CHN2: variants seen among roughly 807,000 people sequenced by gnomAD.
The protein encoded by CHN2 is chimerin 2.
A neutral mutation model predicts 56.3 loss-of-function variants in CHN2; 35 were observed. The ratio of observed to expected loss-of-function variants is 0.62; its 90% CI spans 0.47 to 0.82. CHN2 has a LOEUF of 0.82. CHN2 is among the 40% of genes least tolerant of loss of function. CHN2 has a pLI of 0.00. For synonymous variants in CHN2, 210 were observed against 212.8 expected (o/e 0.99, Z 0.12); for missense variants, 491 against 580.5 (o/e 0.85, Z 1.58).
chr7:29,360,031 A>G (rs1798602943), intron 2 of CHN2, among the ~76,000 whole-genome samples: 1 of 152,204 alleles, frequency 6.6e-6, no homozygotes, highest in South Asian at 2.1e-4. Flanking sequence ...CTTGGGGAGG[A>G]TATTTATGAT....
chr7:29,451,622 G>A (rs753586062), intron 6 of CHN2, among the ~76,000 whole-genome samples: 1 of 152,108 alleles, frequency 6.6e-6, no homozygotes, highest in Non-Finnish European at 1.5e-5. Flanking sequence ...ACGCGAAGAA[G>A]AGAGAAATAA....
At chr7:29,371,224 C>G (rs747153509) in intron 3 of CHN2, among the ~76,000 whole-genome samples, 12 of 152,014 alleles carry the variant, frequency 7.9e-5, no homozygotes, top group Admixed American at 1.3e-4. Context: ...AGGCAGTGAT[C>G]AAGAAGAAAG....
At chr7:29,197,418 A>C (rs1280758543) in intron 1 of CHN2, among the ~76,000 whole-genome samples, 6 of 152,132 alleles carry the variant, frequency 3.9e-5, no homozygotes, top group Admixed American at 1.3e-4. Context: ...CTCTTTTGTA[A>C]ATGAGGCTGA....
At chr7:29,290,029 T>A (rs1792470349) in intron 1 of CHN2, among the ~76,000 whole-genome samples, 1 of 152,230 alleles carries the variant, frequency 6.6e-6, no homozygotes, top group African/African-American at 2.4e-5. Context: ...AAGCAGTTTG[T>A]TTGAAGTTCA....
intron 1 of CHN2, among the ~76,000 whole-genome samples, chr7:29,333,255 C>T (rs546356815): frequency 1.2e-4 from 18 of 152,250 alleles, no homozygotes; most frequent in Non-Finnish European, 1.9e-4. Context: ...CCACGGCTGT[C>T]CCACACCAGG....
intron 1 of CHN2, among the ~76,000 whole-genome samples, chr7:29,268,517 CTCAGGGAAGG>C (rs1432849054): frequency 2.1e-5 from 3 of 144,220 alleles, no homozygotes; most frequent in African/African-American, 8.8e-5. Context: ...TGCACCAATT[CTCAGGGAAGG>C]CTTTTCCAGA....
intron 6 of CHN2, among the ~76,000 whole-genome samples, chr7:29,455,630 G>A (rs1412918431): frequency 6.6e-6 from 1 of 152,160 alleles, no homozygotes; most frequent in Non-Finnish European, 1.5e-5. Flanking sequence ...TTTTTAAAAG[G>A]TCAAAACATT....
intron 1 of CHN2, chr7:29,212,390 G>C: frequency 6.2e-7 from 1 of 1,606,360 alleles, no homozygotes; most frequent in Non-Finnish European, 8.5e-7. Context: ...TGATTTGTGG[G>C]CCTGAAGAAA....
At chr7:29,473,796 T>G (rs892462115) in intron 6 of CHN2, among the ~76,000 whole-genome samples, 1 of 152,144 alleles carries the variant, frequency 6.6e-6, no homozygotes, top group Admixed American at 6.5e-5. Flanking sequence ...GAGGTAATTG[T>G]GGAACCTCTC....
At chr7:29,499,810 T>C in intron 8 of CHN2, 57 bp from the exon 9 acceptor site, 1 of 1,451,218 alleles carries the variant, frequency 6.9e-7, no homozygotes, top group Non-Finnish European at 9.2e-7. Flanking sequence ...ACATATAATT[T>C]GTGTTGTGCT....
intron 1 of CHN2, among the ~76,000 whole-genome samples, chr7:29,213,955 T>A (rs1394284063): frequency 2.0e-5 from 3 of 152,190 alleles, no homozygotes; most frequent in African/African-American, 7.2e-5. Flanking sequence ...ATTGCGCTTT[T>A]TAGTCTGATC....
In CHN2 at chr7:29,465,930, G is replaced by A. The variant is rs113311291; in HGVS notation, c.577-14349G>A. ...ATTATTGAAATATTACAGGCCGAGC[G>A]CAGTGGCTCACGCCTGTGATCCCAG... is the stretch of plus-strand genomic sequence containing the variant. On this transcript the variant is annotated intron_variant, in intron 6 of 12. Transcript: ENST00000222792. 5.8e-4 allele frequency among the ~76,000 whole-genome samples: 89 copies of A among 152,314 alleles called. 1 individual carries two copies. The highest frequency in any genetic ancestry group is 1.9e-3 in the African/African-American group (78 of 41,572).
intron 2 of CHN2, among the ~76,000 whole-genome samples, chr7:29,187,610 C>A (rs939366099): frequency 6.6e-6 from 1 of 152,036 alleles, no homozygotes; most frequent in African/African-American, 2.4e-5. Context: ...CACCTGTAAT[C>A]CCAGCTACTC....
At chr7:29,416,545 G>C (rs1327513426) in intron 6 of CHN2, among the ~76,000 whole-genome samples, 1 of 152,156 alleles carries the variant, frequency 6.6e-6, no homozygotes, top group Non-Finnish European at 1.5e-5. Context: ...AGGTTTGTTA[G>C]TACACAGAGT....
At chr7:29,175,422 C>T (rs180723860) in intron 2 of CHN2, among the ~76,000 whole-genome samples, 172 of 152,126 alleles carry the variant, frequency 1.1e-3, no homozygotes, top group Admixed American at 3.1e-3. Flanking sequence ...GTTTTCTGCC[C>T]GCCTCGGCCT....
At chr7:29,172,897 G>A (rs552298174) in intron 2 of CHN2, among the ~76,000 whole-genome samples, 11 of 152,156 alleles carry the variant, frequency 7.2e-5, no homozygotes, top group African/African-American at 1.9e-4. Context: ...TTGGGAGGCC[G>A]AGGTGGGTGG....
intron 1 of CHN2, among the ~76,000 whole-genome samples, chr7:29,312,928 A>G (rs150513346): frequency 6.6e-6 from 1 of 151,836 alleles, no homozygotes; most frequent in East Asian, 1.9e-4. Context: ...AATGCAAAGC[A>G]CTCTTTCCTT....
At chr7:29,349,571 C>G (rs1181159635) in intron 1 of CHN2, among the ~76,000 whole-genome samples, 1 of 152,118 alleles carries the variant, frequency 6.6e-6, no homozygotes, top group Non-Finnish European at 1.5e-5. Context: ...TTTACTCTTA[C>G]ACACAGCAGA....
chr7:29,495,491 T>C (rs1290167521), intron 7 of CHN2, among the ~76,000 whole-genome samples: 1 of 152,212 alleles, frequency 6.6e-6, no homozygotes, highest in African/African-American at 2.4e-5. Context: ...GCTCAAAGAC[T>C]TGGAACCTTT....
Sources: allele counts gnomAD v4.1 joint callset (sites outside exome capture counted in the v4.1 genomes callset), GRCh38; gene constraint gnomAD v4.1.1; transcripts MANE v1.5; gene names NCBI Gene and HGNC (gene_info 2026-07-23, HGNC 2026-07-21).